YWHAZ: variants seen among roughly 807,000 people sequenced by gnomAD.
YWHAZ encodes 14-3-3 protein zeta/delta.
For synonymous variants in YWHAZ, 87 were observed against 103.6 expected (o/e 0.84, Z 0.97); for missense variants, 79 against 284.8 (o/e 0.28, Z 5.20).
At chr8:100,923,787 A>AT in intron 5 of YWHAZ, 168 bp downstream of exon 5, 1 of 493,038 alleles carries the variant, frequency 2.0e-6, no homozygotes, top group Non-Finnish European at 3.5e-6. Context: ...AGTTTCTGTA[A>AT]TTTTCCTTCA....
At chr8:100,940,516 A>AT (rs1194989004) in intron 2 of YWHAZ, among the ~76,000 whole-genome samples, 6 of 152,168 alleles carry the variant, frequency 3.9e-5, no homozygotes, top group Non-Finnish European at 8.8e-5. Context: ...TTTTACATTT[A>AT]TTTTTGTAAT....
rs756161006 is a variant in YWHAZ, at chr8:100,924,873, TTA to T, written c.418+41_418+42del. 69 of 1,609,398 alleles carry T rather than the reference TTA, an allele frequency of 4.3e-5. No homozygotes were observed. The East Asian group carries it at 1.5e-3, about 34-fold the overall frequency. On this transcript the variant is annotated intron_variant, in intron 3 of 5. Transcript: ENST00000395958. The surrounding 1 kb of genome is among the most constrained non-coding windows in gnomAD (Gnocchi z 5.7). ...GCTTCAGAGACTCTTCCTCACTATG[TTA>T]TCTTATACAAGTTCAACCAACAGGT...
intron 2 of YWHAZ, among the ~76,000 whole-genome samples, chr8:100,929,468 G>A (rs535023199): frequency 6.6e-6 from 1 of 152,178 alleles, no homozygotes; most frequent in African/African-American, 2.4e-5. Flanking sequence ...CCAAAGTGCT[G>A]GGAATACAGG....
rs561877092 is a variant in YWHAZ at position 100,928,475 on chromosome 8, T to C, written c.295-3436A>G. 7.9e-5 allele frequency among the ~76,000 whole-genome samples: 12 copies of C among 152,312 alleles called. No homozygotes were observed. In the East Asian group the frequency reaches 9.7e-4, roughly 12 times the overall value. On this transcript the variant is annotated intron_variant, in intron 2 of 5. Transcript: ENST00000395958. Reference sequence around the variant, plus strand: ...TGCCAGGTGTGGTGGTTCATGCCTATAATCCCAGCACTTTGGGAGGCTGAG... The same window carrying C: ...TGCCAGGTGTGGTGGTTCATGCCTACAATCCCAGCACTTTGGGAGGCTGAG...
At chr8:100,931,388 G>GA (rs1813751044) in intron 2 of YWHAZ, among the ~76,000 whole-genome samples, 2 of 152,152 alleles carry the variant, frequency 1.3e-5, no homozygotes, top group African/African-American at 4.8e-5. Context: ...AATGAACTGA[G>GA]AATCTATCTC....
At position 100,917,744 on chromosome 8, in the gene YWHAZ, GT is replaced by G. The variant is rs2130046826; in HGVS notation, c.*2948del. On this transcript the variant is annotated 3_prime_UTR_variant, in exon 6 of 6. Coordinates refer to ENST00000395958, the MANE Select transcript of YWHAZ (RefSeq NM_145690.3). ...AAAACAAACGAACAAAAAAATTCCA[GT>G]ACTTTACACACAAAAAGTCATTGGA... 6.6e-6 allele frequency: 1 copy of G among 152,204 alleles called. No homozygotes were observed. Among genetic ancestry groups the G allele is most frequent in the African/African-American group, 2.4e-5 (1 of 41,534 alleles). 9.4% of individuals were successfully genotyped at this position (152,204 alleles called of 1,614,324 possible). A position where few individuals can be genotyped will look rare whatever the true frequency, so the allele number is the denominator to read the frequency against.
At position 100,916,912 on chromosome 8, in the gene YWHAZ, A is replaced by C. The variant is rs1812734171; in HGVS notation, c.*3781T>G. 1 of 152,222 alleles carries C rather than the reference A, an allele frequency of 6.6e-6. No individual in the cohort carries two copies. Among genetic ancestry groups the C allele is most frequent in the African/African-American group, 2.4e-5 (1 of 41,450 alleles). 9.4% of individuals were successfully genotyped at this position (152,222 alleles called of 1,614,324 possible). On this transcript the variant is annotated 3_prime_UTR_variant, in exon 6 of 6. Coordinates refer to ENST00000395958, the MANE Select transcript of YWHAZ (RefSeq NM_145690.3). Reference sequence around the variant, plus strand: ...AGTTTCACACTTAGAAAAGAATCCAAGTCTATTTTCCAAGTGCCCAGTCTC... The same window carrying C: ...AGTTTCACACTTAGAAAAGAATCCACGTCTATTTTCCAAGTGCCCAGTCTC...
At chr8:100,946,172 G>C (rs1810249832) in intron 2 of YWHAZ, among the ~76,000 whole-genome samples, 1 of 152,160 alleles carries the variant, frequency 6.6e-6, no homozygotes, top group African/African-American at 2.4e-5. Context: ...AGATTATCTT[G>C]TTATCCTCAT....
chr8:100,940,062 C>CAAAAA (rs33984830), intron 2 of YWHAZ, among the ~76,000 whole-genome samples: 3 of 99,000 alleles, frequency 3.0e-5, no homozygotes, highest in East Asian at 5.9e-4. Flanking sequence ...GACTCCGTCT[C>CAAAAA]AAAAAAAAAA....
Position 100,924,785 on chromosome 8 carries a change from C to T in YWHAZ, c.418+131G>A. 8.7e-7 allele frequency: 1 copy of T among 1,145,638 alleles called. No individual in the cohort carries two copies. Among genetic ancestry groups the T allele is most frequent in the Non-Finnish European group, 1.2e-6 (1 of 814,254 alleles). The allele number at this position is 1,145,638 out of a possible 1,614,324, so 71.0% of individuals were successfully genotyped here. A position where few individuals can be genotyped will look rare whatever the true frequency, so the allele number is the denominator to read the frequency against. On this transcript the variant is annotated intron_variant, in intron 3 of 5. Coordinates refer to ENST00000395958, the MANE Select transcript of YWHAZ (RefSeq NM_145690.3). The surrounding 1 kb of genome is among the most constrained non-coding windows in gnomAD (Gnocchi z 5.7). ...AGGCAGTAGATGTGTATTCTCAGAA[C>T]ACAAAGAGCACTGCTACTCCTTATT...
upstream of YWHAZ, chr8:100,952,399 C>T (rs1427549918): frequency 1.3e-5 from 2 of 155,330 alleles, no homozygotes; most frequent in Admixed American, 6.5e-5. Flanking sequence ...CCCTCTCTCT[C>T]CCTCTCCCCT....
At position 100,948,466 on chromosome 8, in the gene YWHAZ, G is replaced by A. The variant is rs1325110741; in HGVS notation, c.294+130C>T. Reference sequence around the variant, plus strand: ...AACATCTTTTTAGTCATGACACCATGAAGACTTTTAAATTTGGAACACACA... The same window carrying A: ...AACATCTTTTTAGTCATGACACCATAAAGACTTTTAAATTTGGAACACACA... On this transcript the variant is annotated intron_variant, in intron 2 of 5. Coordinates refer to ENST00000395958, the MANE Select transcript of YWHAZ (RefSeq NM_145690.3). This position sits in a 1 kb window ranked among gnomAD's most constrained non-coding sequence, Gnocchi z 4.2. The A allele has an allele frequency of 7.7e-6, 8 of 1,040,562 alleles. No individual in the cohort carries two copies. Among genetic ancestry groups the A allele is most frequent in the Non-Finnish European group, 9.8e-6 (7 of 717,644 alleles). 64.5% of individuals were successfully genotyped at this position (1,040,562 alleles called of 1,614,324 possible).
At chr8:100,938,971 A>T (rs1379333947) in intron 2 of YWHAZ, among the ~76,000 whole-genome samples, 2 of 152,258 alleles carry the variant, frequency 1.3e-5, no homozygotes, top group African/African-American at 2.4e-5. Context: ...TCTATAAATA[A>T]GGTCATCTAT....
chr8:100,945,975 T>C (rs1474525058), intron 2 of YWHAZ, among the ~76,000 whole-genome samples: 1 of 152,122 alleles, frequency 6.6e-6, no homozygotes, highest in African/African-American at 2.4e-5. Flanking sequence ...CAAAAGCTTG[T>C]TTAGAATTCT....
rs369444018 is a variant in YWHAZ at position 100,919,869 on chromosome 8, C to CGAA, written c.*823_*824insTTC. ...CAGCACATGCATGTTAGGCAAGTAT[C>CGAA]AAAAAAAAAAAAATCACAAAAGCAA... On this transcript the variant is annotated 3_prime_UTR_variant, in exon 6 of 6. Transcript: ENST00000395958. 1.4e-5 allele frequency: 2 copies of CGAA among 141,748 alleles called. 1 individual carries two copies. Among genetic ancestry groups the CGAA allele is most frequent in the African/African-American group, 5.1e-5 (2 of 38,844 alleles). 8.8% of individuals were successfully genotyped at this position (141,748 alleles called of 1,614,324 possible).
In YWHAZ at chr8:100,919,804, T is replaced by C. The variant is rs1414124941; in HGVS notation, c.*889A>G. On this transcript the variant is annotated 3_prime_UTR_variant, in exon 6 of 6. Transcript: ENST00000395958. ...AATTTCATAAGACATTAAACAAAGCTAGCCATCATCTCAAGTTATTTCCCT... is the reference window on the plus strand; with the variant it reads ...AATTTCATAAGACATTAAACAAAGCCAGCCATCATCTCAAGTTATTTCCCT... 1 of 150,764 alleles carries C rather than the reference T, an allele frequency of 6.6e-6. No homozygotes were observed. The highest frequency in any genetic ancestry group is 2.5e-5 in the African/African-American group (1 of 40,768). 9.3% of individuals were successfully genotyped at this position (150,764 alleles called of 1,614,324 possible). A position where few individuals can be genotyped will look rare whatever the true frequency, so the allele number is the denominator to read the frequency against.
In YWHAZ at chr8:100,930,346, C is replaced by T. The variant is rs191689161; in HGVS notation, c.295-5307G>A. Among the ~76,000 whole-genome samples the T allele has an allele frequency of 3.1e-4, 47 of 152,316 alleles. No homozygotes were observed. The East Asian group carries it at 4.4e-3, about 14-fold the overall frequency. On this transcript the variant is annotated intron_variant, in intron 2 of 5. Transcript: ENST00000395958. ...ACTCCTGACCTCATGATCCACCTGC[C>T]TCAGCCTCCCAAAGTGCTGGGATTA...
rs1810501653 is a variant in YWHAZ at position 100,948,918 on chromosome 8, G to A, written c.-11-18C>T. 3.2e-6 allele frequency: 5 copies of A among 1,549,818 alleles called. No individual in the cohort carries two copies. The Admixed American group carries it at 6.2e-5, about 19-fold the overall frequency. ...TGGATGTTCTGCAGGGGGGAAAAAAGGAGTATTTAAAATTTTTCCCATCAA... is the reference window on the plus strand; with the variant it reads ...TGGATGTTCTGCAGGGGGGAAAAAAAGAGTATTTAAAATTTTTCCCATCAA... On this transcript the variant is annotated intron_variant, in intron 1 of 5. Coordinates refer to ENST00000395958, the MANE Select transcript of YWHAZ (RefSeq NM_145690.3). The surrounding 1 kb of genome is among the most constrained non-coding windows in gnomAD (Gnocchi z 4.2).
chr8:100,946,290 G>C (rs1218856505), intron 2 of YWHAZ, among the ~76,000 whole-genome samples: 1 of 152,212 alleles, frequency 6.6e-6, no homozygotes, highest in East Asian at 1.9e-4. Flanking sequence ...TGTAATCCCA[G>C]CACTTTGGGA....
Sources: gnomAD v4.1 joint callset for allele counts (sites outside exome capture counted in the v4.1 genomes callset) on GRCh38, gnomAD v4.1.1 for gene constraint, Gnocchi (gnomAD v3.1) non-coding constraint, MANE v1.5 for transcripts, NCBI Gene and HGNC (gene_info 2026-07-23, HGNC 2026-07-21) for gene names.